The following NUGGC variants were observed in gnomAD, a reference collection of about 807,000 sequenced individuals.
The protein encoded by NUGGC is nuclear GTPase, germinal center associated.
In NUGGC, 58 loss-of-function variants were observed where a neutral mutation model predicts 92.6. The ratio of observed to expected loss-of-function variants is 0.63; its 90% CI spans 0.51 to 0.78. The LOEUF (loss-of-function observed/expected upper bound fraction) is 0.78. Ranked by LOEUF, NUGGC falls within the 30% of genes least tolerant of loss-of-function variation. The probability of loss-of-function intolerance (pLI) is 0.00; values close to 1 mark genes in which losing one functional copy is unlikely to be tolerated. For missense variants in NUGGC, 925 were observed against 964.6 expected (o/e 0.96, Z 0.54); for synonymous variants, 376 against 366.4 (o/e 1.03, Z -0.30).
intron 18 of NUGGC, 28 bp downstream of exon 18, chr8:28,026,934 C>T (rs953574817): frequency 6.8e-7 from 1 of 1,469,748 alleles, no homozygotes; most frequent in Non-Finnish European, 9.5e-7. Context: ...GCACAATCAC[C>T]CTGTATACAA....
In NUGGC at chr8:28,041,042, G is replaced by C; in HGVS notation, c.1611+9C>G. 6.3e-7 allele frequency: 1 copy of C among 1,593,824 alleles called. No individual in the cohort carries two copies. The highest frequency in any genetic ancestry group is 2.3e-5 in the East Asian group (1 of 43,830). ...GAATATCTGAGTTTTCCCTGGAAGG[G>C]TCACTCACCACCAAGCATGCTCTGA... On this transcript the variant is annotated intron_variant, in intron 13 of 18. Coordinates refer to ENST00000413272, the MANE Select transcript of NUGGC (RefSeq NM_001010906.2).
chr8:28,024,515 A>C (rs1372930035), intron 18 of NUGGC, among the ~76,000 whole-genome samples: 1 of 152,148 alleles, frequency 6.6e-6, no homozygotes, highest in Non-Finnish European at 1.5e-5. Flanking sequence ...CTTAAAATAA[A>C]TCTCTTCCTC....
At chr8:28,043,305 T>A (rs1288833730) in intron 12 of NUGGC, among the ~76,000 whole-genome samples, 1 of 152,258 alleles carries the variant, frequency 6.6e-6, no homozygotes, top group Non-Finnish European at 1.5e-5. Context: ...CATTGAGATG[T>A]GGTCCTCAAC....
At chr8:28,052,061 G>A (rs1361236625) in intron 10 of NUGGC, among the ~76,000 whole-genome samples, 1 of 152,178 alleles carries the variant, frequency 6.6e-6, no homozygotes, top group East Asian at 1.9e-4. Flanking sequence ...ACTATAGGAT[G>A]GGGCCCAAAT....
Position 28,045,469 on chromosome 8 carries a change from AAAAG to A in NUGGC, c.1446+54_1446+57del, listed in dbSNP as rs1429344151. 1.8e-5 allele frequency: 27 copies of A among 1,519,496 alleles called. No homozygotes were observed. In the African/African-American group the frequency reaches 3.4e-4, roughly 19 times the overall value. The allele number at this position is 1,519,496 out of a possible 1,614,324, so 94.1% of individuals were successfully genotyped here. On this transcript the variant is annotated intron_variant, in intron 12 of 18. Transcript: ENST00000413272. ...TCATAAGTTAATTTTCTAACTTGGT[AAAAG>A]GAAATGTCCTGCCCAGGAAGGGGGA...
At chr8:28,041,285 T>C (rs1299950383) in intron 12 of NUGGC, 70 bp from the exon 13 acceptor site, 1 of 1,453,212 alleles carries the variant, frequency 6.9e-7, no homozygotes, top group Non-Finnish European at 9.3e-7. Flanking sequence ...AAGCTTTGCT[T>C]TCTTTAAGCT....
intron 10 of NUGGC, among the ~76,000 whole-genome samples, chr8:28,053,391 C>T (rs1218521232): frequency 6.6e-6 from 1 of 151,972 alleles, no homozygotes; most frequent in African/African-American, 2.4e-5. Context: ...GGAGTGCGGG[C>T]AGGAAGATAG....
At chr8:28,078,660 A>T (rs1169473818) in intron 1 of NUGGC, among the ~76,000 whole-genome samples, 2 of 152,168 alleles carry the variant, frequency 1.3e-5, no homozygotes, top group Non-Finnish European at 2.9e-5. Flanking sequence ...TCATTTTGAA[A>T]ATGTCACCTG....
chr8:28,050,534 G>A (rs1286152244), intron 10 of NUGGC, among the ~76,000 whole-genome samples: 1 of 152,154 alleles, frequency 6.6e-6, no homozygotes, highest in Non-Finnish European at 1.5e-5. Context: ...GACCCAGCTG[G>A]GTGAGGTGGC....
intron 1 of NUGGC, among the ~76,000 whole-genome samples, chr8:28,076,401 C>A (rs546356401): frequency 6.6e-6 from 1 of 152,156 alleles, no homozygotes; most frequent in Non-Finnish European, 1.5e-5. Context: ...TGGGTTCAAG[C>A]GATTTTCCTG....
rs546105950 is a variant in NUGGC at position 28,067,764 on chromosome 8, C to G, written c.481-20G>C. On this transcript the variant is annotated intron_variant, in intron 5 of 18. Transcript: ENST00000413272. ...CCACTCCTGCCAAGGCAGAGTAGGG[C>G]CAAGCCCCTCTTGACACAGACACAG... is the stretch of plus-strand genomic sequence containing the variant. 12 of 1,576,552 alleles carry G rather than the reference C, an allele frequency of 7.6e-6. No individual in the cohort carries two copies. The African/African-American group carries it at 8.1e-5, about 11-fold the overall frequency.
At chr8:28,066,173 T>A (rs771184641) in intron 6 of NUGGC, among the ~76,000 whole-genome samples, 4 of 152,246 alleles carry the variant, frequency 2.6e-5, no homozygotes, top group Admixed American at 6.5e-5. Context: ...TGTATTCAGA[T>A]AAAGCAACTA....
intron 14 of NUGGC, among the ~76,000 whole-genome samples, chr8:28,032,707 C>T (rs60047958): frequency 0.3 from 41,852 of 139,812 alleles, 6,267 homozygotes; most frequent in East Asian, 0.47. Flanking sequence ...GGCGACAGAG[C>T]GAGACTCCAT....
chr8:28,058,062 G>A (rs1810193120), intron 9 of NUGGC, among the ~76,000 whole-genome samples, 196 bp downstream of exon 9: 1 of 151,820 alleles, frequency 6.6e-6, no homozygotes, highest in Admixed American at 6.6e-5. Context: ...CATGATGGTG[G>A]GTACCTGTAA....
At chr8:28,070,779 G>A (rs1810572306) in intron 2 of NUGGC, among the ~76,000 whole-genome samples, 1 of 150,824 alleles carries the variant, frequency 6.6e-6, no homozygotes. Context: ...TAGAGACAGT[G>A]TTTCTGTATG....
chr8:28,044,117 A>G (rs1009480373), intron 12 of NUGGC, among the ~76,000 whole-genome samples: 1 of 152,160 alleles, frequency 6.6e-6, no homozygotes, highest in Non-Finnish European at 1.5e-5. Context: ...TCAGGTCTCG[A>G]GTGTCTGCCT....
At chr8:28,055,361 G>A (rs377305486) in intron 10 of NUGGC, among the ~76,000 whole-genome samples, 25 of 152,152 alleles carry the variant, frequency 1.6e-4, no homozygotes, top group Middle Eastern at 3.4e-3. Context: ...TCTTTCCTCC[G>A]TGTCCCATAG....
At chr8:28,058,381 C>T (rs1320147538) in intron 8 of NUGGC, 105 bp from the exon 9 acceptor site, 1 of 222,934 alleles carries the variant, frequency 4.5e-6, no homozygotes, top group Non-Finnish European at 9.7e-6. Context: ...GTGTCTGTGC[C>T]TTTTCATAAG....
intron 1 of NUGGC, among the ~76,000 whole-genome samples, chr8:28,081,889 A>C (rs1273245334): frequency 6.6e-6 from 1 of 152,028 alleles, no homozygotes; most frequent in South Asian, 2.1e-4. Flanking sequence ...AAAAAAAAAA[A>C]AACAATCTTT....
Sources: gnomAD v4.1 joint callset for allele counts (sites outside exome capture counted in the v4.1 genomes callset) on GRCh38, gnomAD v4.1.1 for gene constraint, MANE v1.5 for transcripts, NCBI Gene and HGNC (gene_info 2026-07-23, HGNC 2026-07-21) for gene names.